The following PSD3 variants were observed in gnomAD, a reference collection of about 807,000 sequenced individuals.
PSD3 encodes the protein pleckstrin and Sec7 domain containing 3.
A neutral mutation model predicts 105.5 loss-of-function variants in PSD3; 49 were observed. The observed-to-expected ratio is 0.46, with a 90% confidence interval of 0.37 to 0.59. PSD3 has a LOEUF of 0.59. Among genes scored for constraint, PSD3 ranks in the 20% least tolerant of loss-of-function variants. The probability of loss-of-function intolerance (pLI) is 0.00; values close to 1 mark genes in which losing one functional copy is unlikely to be tolerated. For missense variants in PSD3, 1,561 were observed against 1,263.8 expected (o/e 1.24, Z -3.57); for synonymous variants, 557 against 457.8 (o/e 1.22, Z -2.77).
rs1822837125 is a variant in PSD3 at position 18,946,070 on chromosome 8, G to C, written c.22-9928C>G. 2.0e-5 allele frequency among the ~76,000 whole-genome samples: 3 copies of C among 152,266 alleles called. 1 individual carries two copies. The East Asian group carries it at 5.8e-4, about 29-fold the overall frequency. On this transcript the variant is annotated intron_variant, in intron 1 of 15. Transcript: ENST00000327040. ...TGAGTCATTAATGAGATAATCACAA[G>C]ACTAACATGTAACTTGTTACTCCAC...
At chr8:18,721,351 A>C (rs1483309959) in intron 9 of PSD3, among the ~76,000 whole-genome samples, 2 of 152,020 alleles carry the variant, frequency 1.3e-5, no homozygotes, top group Non-Finnish European at 1.5e-5. Context: ...AGACATGCCT[A>C]CAAATGTCTA....
chr8:18,693,880 G>T (rs1358126853), intron 9 of PSD3, among the ~76,000 whole-genome samples: 1 of 152,104 alleles, frequency 6.6e-6, no homozygotes. Context: ...TTGGAGCCAG[G>T]AATCCTGGCT....
At chr8:19,037,051 C>T (rs1261099952) in intron 1 of PSD3, among the ~76,000 whole-genome samples, 1 of 152,230 alleles carries the variant, frequency 6.6e-6, no homozygotes, top group East Asian at 1.9e-4. Flanking sequence ...TTGGGATCAT[C>T]CCATGTGACT....
At chr8:18,955,999 C>A (rs1176034584) in intron 1 of PSD3, among the ~76,000 whole-genome samples, 2 of 152,052 alleles carry the variant, frequency 1.3e-5, no homozygotes, top group Non-Finnish European at 2.9e-5. Context: ...AACCCCTGAC[C>A]TCAGGTGATC....
chr8:18,857,733 G>C (rs1816129788), intron 4 of PSD3, among the ~76,000 whole-genome samples: 1 of 152,214 alleles, frequency 6.6e-6, no homozygotes, highest in Non-Finnish European at 1.5e-5. Flanking sequence ...TAGTAGGTCA[G>C]GGTGGGGCTG....
At chr8:18,929,619 A>G (rs1194060772) in intron 2 of PSD3, among the ~76,000 whole-genome samples, 2 of 152,262 alleles carry the variant, frequency 1.3e-5, no homozygotes, top group Admixed American at 1.3e-4. Context: ...CCTGCTAAGG[A>G]CACACACTCC....
intron 1 of PSD3, among the ~76,000 whole-genome samples, chr8:18,952,149 C>A (rs781472168): frequency 6.2e-4 from 95 of 152,248 alleles, no homozygotes; most frequent in Admixed American, 7.9e-4. Flanking sequence ...AAATGATTCA[C>A]CAAGAGGTGT....
Position 18,803,389 on chromosome 8 carries a change from C to G in PSD3, c.1910+1133G>C, listed in dbSNP as rs113699706. ...TAATTCTAATTCTACAATCTATAAA[C>G]TGTGTGTGTGTGTGTGTGTGTGTGT... On this transcript the variant is annotated intron_variant, in intron 6 of 15. Coordinates refer to ENST00000327040, the MANE Select transcript of PSD3 (RefSeq NM_015310.4). The G allele has an allele frequency of 9.4e-3, 1,351 of 143,322 alleles. 28 individuals carry two copies. Among genetic ancestry groups the G allele is most frequent in the Admixed American group, 0.041 (586 of 14,238 alleles). The allele number at this position is 143,322 out of a possible 1,614,324, so 8.9% of individuals were successfully genotyped here.
At chr8:18,943,690 C>G (rs1488133777) in intron 1 of PSD3, among the ~76,000 whole-genome samples, 1 of 152,124 alleles carries the variant, frequency 6.6e-6, no homozygotes, top group African/African-American at 2.4e-5. Context: ...CACTGGGAGA[C>G]AGCCCCTCCC....
intron 1 of PSD3, among the ~76,000 whole-genome samples, chr8:18,983,933 A>T (rs1825368821): frequency 6.6e-6 from 1 of 151,892 alleles, no homozygotes; most frequent in South Asian, 2.1e-4. Flanking sequence ...AGCCCAAAAA[A>T]GTTCAAGATT....
intron 1 of PSD3, among the ~76,000 whole-genome samples, chr8:18,960,204 C>A (rs965943952): frequency 6.6e-6 from 1 of 152,154 alleles, no homozygotes; most frequent in African/African-American, 2.4e-5. Flanking sequence ...ATGCTCAGAA[C>A]AAAGACGATG....
At chr8:18,672,302 A>G (rs1250351345) in intron 9 of PSD3, among the ~76,000 whole-genome samples, 2 of 152,162 alleles carry the variant, frequency 1.3e-5, no homozygotes, top group Non-Finnish European at 2.9e-5. Flanking sequence ...TAAAAAAAAA[A>G]ACTTGCTGGG....
intron 11 of PSD3, among the ~76,000 whole-genome samples, chr8:18,621,469 T>C (rs1806104710): frequency 6.6e-6 from 1 of 152,204 alleles, no homozygotes; most frequent in Admixed American, 6.5e-5. Context: ...ACCGACTTTA[T>C]TGCCAGAAAG....
intron 14 of PSD3, among the ~76,000 whole-genome samples, chr8:18,566,033 G>T (rs187155572): frequency 4.8e-4 from 73 of 152,216 alleles, no homozygotes; most frequent in African/African-American, 1.6e-3. Context: ...TTGAGGTACT[G>T]GAGGAATCCT....
Position 18,871,905 on chromosome 8 carries a change from A to G in PSD3, c.959T>C (p.Ile320Thr), listed in dbSNP as rs766884419. ...TCTTTGCAGTGATGTCTCAAAATCT[A>G]TAGGATGCTGGGTCTCTCTCTTGTC... ...GGDKRETQHP[I>T]DFETSLQRTA... The change falls in exon 3 of 16, where the codon ATA (isoleucine) becomes ACA (threonine). Residue 320 changes from isoleucine to threonine, a missense_variant. Transcript: ENST00000327040. 8 of 1,614,084 alleles carry G rather than the reference A, an allele frequency of 5.0e-6. No homozygotes were observed. The highest frequency in any genetic ancestry group is 3.3e-5 in the Admixed American group (2 of 60,010).
At chr8:19,032,456 C>G (rs191621781) in intron 1 of PSD3, among the ~76,000 whole-genome samples, 29 of 152,014 alleles carry the variant, frequency 1.9e-4, no homozygotes, top group African/African-American at 6.5e-4. Context: ...CAGCCTGGGT[C>G]TTGAACTGGT....
chr8:18,684,965 C>G (rs1397353610), intron 9 of PSD3, among the ~76,000 whole-genome samples: 1 of 152,200 alleles, frequency 6.6e-6, no homozygotes, highest in African/African-American at 2.4e-5. Flanking sequence ...GCATACTACT[C>G]AGGATTGCGA....
intron 13 of PSD3, among the ~76,000 whole-genome samples, chr8:18,574,813 T>C (rs562026012): frequency 6.6e-6 from 1 of 152,318 alleles, no homozygotes; most frequent in Non-Finnish European, 1.5e-5. Flanking sequence ...TATCTAGGTC[T>C]GTTTTACTCA....
chr8:19,043,838 T>C (rs1828219055), intron 1 of PSD3, among the ~76,000 whole-genome samples: 1 of 152,240 alleles, frequency 6.6e-6, no homozygotes. Flanking sequence ...AATACTTTTC[T>C]GTTCAACATA....
Sources: allele counts gnomAD v4.1 joint callset (sites outside exome capture counted in the v4.1 genomes callset), GRCh38; gene constraint gnomAD v4.1.1; transcripts MANE v1.5; gene names NCBI Gene and HGNC (gene_info 2026-07-23, HGNC 2026-07-21).